ADAM28: variants seen among roughly 807,000 people sequenced by gnomAD.
ADAM28 encodes disintegrin and metalloproteinase domain-containing protein 28.
ADAM28 carries 105 observed loss-of-function variants against 101.2 expected under a neutral mutation model. The observed-to-expected ratio is 1.04, with a 90% CI of 0.89 to 1.22. The LOEUF (loss-of-function observed/expected upper bound fraction) is 1.22, where lower values mean the gene tolerates loss of function less well. Among genes scored for constraint, ADAM28 ranks in the 50% most tolerant of loss-of-function variants. The pLI is 0.00. For synonymous variants in ADAM28, 322 were observed against 310.6 expected, an observed-to-expected ratio of 1.04 and a Z score of -0.39; for missense variants, 1,028 against 945.4, an observed-to-expected ratio of 1.09 and a Z score of -1.15.
At chr8:24,310,398 G>A in intron 4 of ADAM28, 157 bp downstream of exon 4, 1 of 668,914 alleles carries the variant, frequency 1.5e-6, no homozygotes, top group Non-Finnish European at 2.4e-6. Context: ...AAAGAAAAGT[G>A]GAAAATCAAT....
intron 2 of ADAM28, among the ~76,000 whole-genome samples, chr8:24,303,878 G>A (rs1157696849): frequency 1.3e-5 from 2 of 151,990 alleles, no homozygotes; most frequent in African/African-American, 4.8e-5. Flanking sequence ...GCCATCAGCT[G>A]AAATTTTACA....
intron 12 of ADAM28, 87 bp from the exon 13 acceptor site, chr8:24,332,573 G>T: frequency 1.6e-6 from 1 of 624,212 alleles, no homozygotes; most frequent in Non-Finnish European, 2.5e-6. Flanking sequence ...AGTAACATAT[G>T]CCTGATGAAT....
intron 14 of ADAM28, among the ~76,000 whole-genome samples, chr8:24,336,595 A>AG (rs1192312258): frequency 2.2e-5 from 3 of 136,574 alleles, no homozygotes; most frequent in Non-Finnish European, 3.2e-5. Context: ...AAAAAAAAAA[A>AG]AAAAGAAAAA....
intron 14 of ADAM28, among the ~76,000 whole-genome samples, chr8:24,337,035 A>G (rs62502745): frequency 0.18 from 26,809 of 152,160 alleles, 2,489 homozygotes; most frequent in East Asian, 0.35. Context: ...AAAAATTCCT[A>G]ACTTGCAATG....
intron 1 of ADAM28, among the ~76,000 whole-genome samples, chr8:24,296,892 C>T (rs1808039587): frequency 6.6e-6 from 1 of 152,186 alleles, no homozygotes; most frequent in Non-Finnish European, 1.5e-5. Flanking sequence ...GACGCTGCAC[C>T]ATTTCCATTA....
At chr8:24,329,550 G>A (rs1216492963) in intron 10 of ADAM28, among the ~76,000 whole-genome samples, 2 of 152,044 alleles carry the variant, frequency 1.3e-5, no homozygotes, top group African/African-American at 4.8e-5. Context: ...GTCTACTCTT[G>A]GCAATTATGG....
rs530458747 is a variant in ADAM28 at position 24,313,423 on chromosome 8, T to C, written c.419T>C (p.Ile140Thr). The C allele has an allele frequency of 1.9e-6, 3 of 1,613,054 alleles. No homozygotes were observed. Among genetic ancestry groups the C allele is most frequent in the South Asian group, 2.2e-5 (2 of 90,834 alleles). Residue 140 changes from isoleucine (I) to threonine (T), a missense_variant, in exon 6 of 23, where the codon ATT becomes ACT. By Grantham distance (89) the Ile-to-Thr change is moderately conservative. Coordinates refer to ENST00000265769, the MANE Select transcript of ADAM28 (RefSeq NM_014265.6). Reference sequence around the variant, plus strand: ...AGTCAGGGGGATCAAAGATACTTTATTGAACCTTTAAGCCCCATACATCGG... The same window carrying C: ...AGTCAGGGGGATCAAAGATACTTTACTGAACCTTTAAGCCCCATACATCGG... ...YFSQGDQRYF[I>T]EPLSPIHRDG...
chr8:24,335,509 A>T lies in ADAM28; in HGVS notation c.1435A>T (p.Asn479Tyr). 1.2e-6 allele frequency: 2 copies of T among 1,614,208 alleles called. No individual in the cohort carries two copies. The highest frequency in any genetic ancestry group is 1.7e-6 in the Non-Finnish European group (2 of 1,180,036). The change falls in exon 14 of 23, where the codon AAT (asparagine) becomes TAT (tyrosine). Residue 479 changes from asparagine to tyrosine, a missense_variant. By Grantham distance (143) the Asn-to-Tyr change is moderately radical (BLOSUM62 -2). Coordinates refer to ENST00000265769, the MANE Select transcript of ADAM28 (RefSeq NM_014265.6). ...TGAGTGCGACCTGCCTGAAATGTGT[A>T]ATGGTAAATCTGGTAATTGTCCTGA... The part of the protein sequence containing the change: ...KDECDLPEMC[N>Y]GKSGNCPDDR...
At chr8:24,337,097 C>T (rs1486340592) in intron 14 of ADAM28, among the ~76,000 whole-genome samples, 1 of 152,188 alleles carries the variant, frequency 6.6e-6, no homozygotes, top group African/African-American at 2.4e-5. Flanking sequence ...CCTAGAAAAA[C>T]CTCCCTGTAA....
chr8:24,328,111 CTT>C (rs1812870362), intron 10 of ADAM28, among the ~76,000 whole-genome samples: 1 of 151,990 alleles, frequency 6.6e-6, no homozygotes, highest in South Asian at 2.1e-4. Flanking sequence ...TTCCAGCACT[CTT>C]TACTTCTCTA....
chr8:24,336,580 CAAAAAAA>C (rs769016133), intron 14 of ADAM28, among the ~76,000 whole-genome samples: 95 of 61,630 alleles, frequency 1.5e-3, no homozygotes, highest in Admixed American at 3.3e-3. Context: ...ACTCCGTCTC[CAAAAAAA>C]AAAAAAAAAA....
At chr8:24,308,608 A>C in intron 2 of ADAM28, 1 of 456,202 alleles carries the variant, frequency 2.2e-6, no homozygotes, top group South Asian at 1.5e-5. Context: ...TATTCTGCAT[A>C]ACTTTTATTT....
rs757134778 is a variant in ADAM28 at position 24,323,979 on chromosome 8, G to A, written c.866G>A (p.Arg289His). 60 of 1,611,746 alleles carry A rather than the reference G, an allele frequency of 3.7e-5. No individual in the cohort carries two copies. The highest frequency in any genetic ancestry group is 1.6e-4 in the East Asian group (7 of 44,794). ...WRGSVLSRRKRHDIAQLITAT... is the reference protein window; with the variant it reads ...WRGSVLSRRKHHDIAQLITAT... ...GGGAGTGTTCTCTCAAGAAGAAAGCGTCATGATATTGCTCAGTTAATCACG... is the reference window on the plus strand; with the variant it reads ...GGGAGTGTTCTCTCAAGAAGAAAGCATCATGATATTGCTCAGTTAATCACG... The change falls in exon 9 of 23, where the codon CGT becomes CAT. Residue 289 changes from arginine to histidine, a missense_variant. Arg to His is a conservative substitution (Grantham distance 29). Transcript: ENST00000265769.
intron 9 of ADAM28, among the ~76,000 whole-genome samples, chr8:24,324,226 A>G (rs1403810929): frequency 6.6e-6 from 1 of 152,010 alleles, no homozygotes; most frequent in African/African-American, 2.4e-5. Context: ...TTTATTGGGT[A>G]TACAAGAAGA....
At chr8:24,313,789 C>G (rs1361133039) in intron 6 of ADAM28, among the ~76,000 whole-genome samples, 10 of 145,902 alleles carry the variant, frequency 6.9e-5, no homozygotes, top group Non-Finnish European at 1.3e-4. Context: ...TGGAGTTTCA[C>G]TCTTGTTGCC....
At position 24,356,003 on chromosome 8, in the gene ADAM28, G is replaced by A. The variant is rs1272324335; in HGVS notation, c.*1599G>A. 6.6e-6 allele frequency: 1 copy of A among 152,034 alleles called. No homozygotes were observed. The highest frequency in any genetic ancestry group is 1.5e-5 in the Non-Finnish European group (1 of 68,006). The allele number at this position is 152,034 out of a possible 1,614,324, so 9.4% of individuals were successfully genotyped here. A position where few individuals can be genotyped will look rare whatever the true frequency, so the allele number is the denominator to read the frequency against. The stretch of plus-strand genomic sequence containing the variant: ...CTGTCGCTTCATGAGGAACTTTATG[G>A]TTCATTTACCCTTGCAGTATGAGGT... On this transcript the variant is annotated 3_prime_UTR_variant, in exon 23 of 23. Coordinates refer to ENST00000265769, the MANE Select transcript of ADAM28 (RefSeq NM_014265.6).
chr8:24,310,989 C>T (rs1471155176), intron 4 of ADAM28, among the ~76,000 whole-genome samples: 1 of 152,102 alleles, frequency 6.6e-6, no homozygotes. Context: ...TGGAAAAAAG[C>T]TTGTAGATCT....
chr8:24,326,436 T>G, intron 9 of ADAM28, 118 bp from the exon 10 acceptor site: 1 of 874,054 alleles, frequency 1.1e-6, no homozygotes, highest in African/African-American at 1.7e-5. Flanking sequence ...AAGAAAAATA[T>G]GACAGTGATG....
chr8:24,327,082 A>G (rs1276518245), intron 10 of ADAM28, among the ~76,000 whole-genome samples: 1 of 152,092 alleles, frequency 6.6e-6, no homozygotes, highest in Non-Finnish European at 1.5e-5. Context: ...AGCGTATTCA[A>G]ATAGAAAGAG....
Sources: allele counts gnomAD v4.1 joint callset (sites outside exome capture counted in the v4.1 genomes callset), GRCh38; gene constraint gnomAD v4.1.1; transcripts MANE v1.5; gene names NCBI Gene and HGNC (gene_info 2026-07-23, HGNC 2026-07-21).